RBSN: variants seen among roughly 807,000 people sequenced by gnomAD.
The protein encoded by RBSN is rabenosyn-5.
RBSN carries 34 observed loss-of-function variants against 60.5 expected under a neutral mutation model. That is an observed-to-expected ratio of 0.56 (90% CI 0.43 to 0.75). The LOEUF (loss-of-function observed/expected upper bound fraction) is 0.75. RBSN is among the 30% of genes least tolerant of loss of function. RBSN has a pLI of 0.00. For missense variants in RBSN, 845 were observed against 986.8 expected (o/e 0.86, Z 1.92); for synonymous variants, 322 against 366.9 (o/e 0.88, Z 1.40).
chr3:15,085,260 T>A (rs1559347664), intron 6 of RBSN, among the ~76,000 whole-genome samples: 2 of 152,118 alleles, frequency 1.3e-5, no homozygotes, highest in Non-Finnish European at 2.9e-5. Context: ...CCACTTCTAA[T>A]CTCTTTATTG....
chr3:15,075,401 T>C, intron 13 of RBSN: 1 of 681,314 alleles, frequency 1.5e-6, no homozygotes, highest in South Asian at 1.5e-5. Context: ...GCAGAAGCTC[T>C]GAAAGAAAAA....
chr3:15,072,386 TGTCTC>T lies in RBSN; in HGVS notation c.*1391_*1395del, dbSNP rs2042943357. 1 of 152,122 alleles carries T rather than the reference TGTCTC, an allele frequency of 6.6e-6. No individual in the cohort carries two copies. The highest frequency in any genetic ancestry group is 6.5e-5 in the Admixed American group (1 of 15,270). The allele number at this position is 152,122 out of a possible 1,614,324, so 9.4% of individuals were successfully genotyped here. On this transcript the variant is annotated 3_prime_UTR_variant, in exon 14 of 14. Transcript: ENST00000253699. The stretch of plus-strand genomic sequence containing the variant: ...CAGCCTGGGCAACAAAGTGAAACTC[TGTCTC>T]AAAAAAAATAAAAAATCTCATCAGT...
chr3:15,095,880 T>C (rs765521073), intron 4 of RBSN, 93 bp downstream of exon 4: 5 of 1,549,052 alleles, frequency 3.2e-6, no homozygotes, highest in Non-Finnish European at 4.4e-6. Context: ...ACTATTATCA[T>C]ATTCCTGTGG....
At chr3:15,088,631 C>T (rs1435824856) in intron 5 of RBSN, among the ~76,000 whole-genome samples, 3 of 152,070 alleles carry the variant, frequency 2.0e-5, no homozygotes, top group African/African-American at 2.4e-5. Context: ...TCAGCTGCCT[C>T]GACCTCCCAA....
chr3:15,095,985 C>G lies in RBSN; in HGVS notation c.136G>C (p.Gly46Arg). ...EHSGEDRDVK[G>R]QIKSLVQKAK... ...CCTCGCCTCTTACTTTTAATTTGCC[C>G]TTTGACATCACGGTCTTCCCCTGAG... The change falls in exon 4 of 14, where the codon GGG becomes CGG. Residue 46 changes from glycine (G) to arginine (R), a missense_variant. Transcript: ENST00000253699. The G allele has an allele frequency of 6.2e-7, 1 of 1,614,186 alleles. No individual in the cohort carries two copies. The highest frequency in any genetic ancestry group is 8.5e-7 in the Non-Finnish European group (1 of 1,180,032).
At position 15,097,090 on chromosome 3, in the gene RBSN, C is replaced by T. The variant is rs2043680096; in HGVS notation, c.-344-380G>A. Among the ~76,000 whole-genome samples the T allele has an allele frequency of 2.0e-5, 3 of 152,076 alleles. No individual in the cohort carries two copies. In the South Asian group the frequency reaches 6.2e-4, roughly 31 times the overall value. On this transcript the variant is annotated intron_variant, in intron 2 of 13. Coordinates refer to ENST00000253699, the MANE Select transcript of RBSN (RefSeq NM_022340.4). Reference sequence around the variant, plus strand: ...TCCCAGGCAGGTCTCTAACTCCTGGCCTCAGGCAATCCTCCTGCCTGAGCC... The same window carrying T: ...TCCCAGGCAGGTCTCTAACTCCTGGTCTCAGGCAATCCTCCTGCCTGAGCC...
At chr3:15,078,823 T>TATATACACAC (rs1553591628) in intron 10 of RBSN, among the ~76,000 whole-genome samples, 1 of 109,242 alleles carries the variant, frequency 9.2e-6, no homozygotes, top group African/African-American at 3.3e-5. Context: ...TATATATATA[T>TATATACACAC]ACATGGTTTT....
At chr3:15,095,184 GT>G (rs1055120221) in intron 4 of RBSN, among the ~76,000 whole-genome samples, 15 of 146,624 alleles carry the variant, frequency 1.0e-4, no homozygotes, top group East Asian at 2.0e-4. Flanking sequence ...CCGGCTAGTT[GT>G]TTTTTTTTTT....
Position 15,073,630 on chromosome 3 carries a change from T to C in RBSN, c.*152A>G. The C allele has an allele frequency of 1.4e-6, 1 of 692,724 alleles. No individual in the cohort carries two copies. The highest frequency in any genetic ancestry group is 2.3e-6 in the Non-Finnish European group (1 of 428,276). The allele number at this position is 692,724 out of a possible 1,614,324, so 42.9% of individuals were successfully genotyped here. A position where few individuals can be genotyped will look rare whatever the true frequency, so the allele number is the denominator to read the frequency against. On this transcript the variant is annotated 3_prime_UTR_variant, in exon 14 of 14. Transcript: ENST00000253699. ...CAACTGTAGTGGAAATACCTCAAAGTGCGCAACACAAAACAGCAGATTCCT... is the reference window on the plus strand; with the variant it reads ...CAACTGTAGTGGAAATACCTCAAAGCGCGCAACACAAAACAGCAGATTCCT...
intron 5 of RBSN, chr3:15,086,213 T>G: frequency 2.4e-6 from 1 of 421,818 alleles, no homozygotes; most frequent in Non-Finnish European, 4.3e-6. Context: ...CAGTGAGCTA[T>G]GATCCCACCA....
intron 5 of RBSN, among the ~76,000 whole-genome samples, chr3:15,089,001 T>C (rs2043421846): frequency 6.6e-6 from 1 of 151,980 alleles, no homozygotes; most frequent in Non-Finnish European, 1.5e-5. Context: ...TCCTCATCCA[T>C]AAATGGGAAA....
intron 9 of RBSN, chr3:15,081,424 G>A (rs994709562): frequency 2.6e-5 from 4 of 152,426 alleles, no homozygotes; most frequent in African/African-American, 9.6e-5. Context: ...GGCATTGCCA[G>A]GGCTTACTTC....
rs370068563 is a variant in RBSN at position 15,095,185 on chromosome 3, T to G, written c.148+788A>C. ...GTGCACCATCACGCCCGGCTAGTTG[T>G]TTTTTTTTTTAATTTTTTTTGTGAG... On this transcript the variant is annotated intron_variant, in intron 4 of 13. Transcript: ENST00000253699. Among the ~76,000 whole-genome samples, 43 of 146,588 alleles carry G rather than the reference T, an allele frequency of 2.9e-4. No individual in the cohort carries two copies. In the East Asian group the frequency reaches 5.9e-3, roughly 20 times the overall value.
Position 15,082,232 on chromosome 3 carries a change from G to A in RBSN, c.840+135C>T, listed in dbSNP as rs568594550. The A allele has an allele frequency of 2.7e-4, 317 of 1,192,510 alleles. No homozygotes were observed. The African/African-American group carries it at 4.4e-3, about 16-fold the overall frequency. 73.9% of individuals were successfully genotyped at this position (1,192,510 alleles called of 1,614,324 possible). A position where few individuals can be genotyped will look rare whatever the true frequency, so the allele number is the denominator to read the frequency against. ...GGCCCTAGCTGGGAAATCATAACAT[G>A]GGCCTTTAACAGGAACTACAAATAA... On this transcript the variant is annotated intron_variant, in intron 9 of 13. Coordinates refer to ENST00000253699, the MANE Select transcript of RBSN (RefSeq NM_022340.4). This position sits in a 1 kb window ranked among gnomAD's most constrained non-coding sequence, Gnocchi z 4.2.
At position 15,077,279 on chromosome 3, in the gene RBSN, G is replaced by A. The variant is rs2043078662; in HGVS notation, c.999-115C>T. 2.4e-6 allele frequency: 2 copies of A among 846,844 alleles called. No individual in the cohort carries two copies. Among genetic ancestry groups the A allele is most frequent in the Admixed American group, 2.0e-5 (1 of 49,196 alleles). 52.5% of individuals were successfully genotyped at this position (846,844 alleles called of 1,614,324 possible). Reference sequence around the variant, plus strand: ...CATGCCAGGAAGGTGTGTAAAGATGGACAAGTGACTCCATTGAAGTTTCTT... The same window carrying A: ...CATGCCAGGAAGGTGTGTAAAGATGAACAAGTGACTCCATTGAAGTTTCTT... On this transcript the variant is annotated intron_variant, in intron 11 of 13. Coordinates refer to ENST00000253699, the MANE Select transcript of RBSN (RefSeq NM_022340.4). The surrounding 1 kb of genome is among the most constrained non-coding windows in gnomAD (Gnocchi z 4.4).
intron 10 of RBSN, among the ~76,000 whole-genome samples, chr3:15,080,047 A>G (rs1243485896): frequency 6.6e-6 from 1 of 152,176 alleles, no homozygotes; most frequent in Non-Finnish European, 1.5e-5. Context: ...GATCAAGACC[A>G]TCCTGGCCAA....
chr3:15,096,848 A>T (rs2043673087), intron 2 of RBSN, 138 bp from the exon 3 acceptor site: 1 of 152,216 alleles, frequency 6.6e-6, no homozygotes, highest in African/African-American at 2.4e-5. Context: ...TTATATTTGT[A>T]GAGCACTTAT....
rs2042972644 is a variant in RBSN at position 15,073,716 on chromosome 3, C to A, written c.*66G>T. 2 of 1,505,750 alleles carry A rather than the reference C, an allele frequency of 1.3e-6. No homozygotes were observed. The highest frequency in any genetic ancestry group is 1.8e-6 in the Non-Finnish European group (2 of 1,126,776). The allele number at this position is 1,505,750 out of a possible 1,614,324, so 93.3% of individuals were successfully genotyped here. A position where few individuals can be genotyped will look rare whatever the true frequency, so the allele number is the denominator to read the frequency against. On this transcript the variant is annotated 3_prime_UTR_variant, in exon 14 of 14. Coordinates refer to ENST00000253699, the MANE Select transcript of RBSN (RefSeq NM_022340.4). ...CCACCTTCCCCATCCATCCTGCCTGCCCTCTGTCCTGCTCCACTGGCTCCT... is the reference window on the plus strand; with the variant it reads ...CCACCTTCCCCATCCATCCTGCCTGACCTCTGTCCTGCTCCACTGGCTCCT...
Position 15,077,270 on chromosome 3 carries a change from G to T in RBSN, c.999-106C>A. 1 of 939,142 alleles carries T rather than the reference G, an allele frequency of 1.1e-6. No individual in the cohort carries two copies. The highest frequency in any genetic ancestry group is 1.7e-6 in the Non-Finnish European group (1 of 587,578). The allele number at this position is 939,142 out of a possible 1,614,324, so 58.2% of individuals were successfully genotyped here. A position where few individuals can be genotyped will look rare whatever the true frequency, so the allele number is the denominator to read the frequency against. On this transcript the variant is annotated intron_variant, in intron 11 of 13. Coordinates refer to ENST00000253699, the MANE Select transcript of RBSN (RefSeq NM_022340.4). This position sits in a 1 kb window ranked among gnomAD's most constrained non-coding sequence, Gnocchi z 4.4. ...CCAGGCTTTCATGCCAGGAAGGTGT[G>T]TAAAGATGGACAAGTGACTCCATTG...
Sources: gnomAD v4.1 joint callset for allele counts (sites outside exome capture counted in the v4.1 genomes callset) on GRCh38, gnomAD v4.1.1 for gene constraint, Gnocchi (gnomAD v3.1) non-coding constraint, MANE v1.5 for transcripts, NCBI Gene and HGNC (gene_info 2026-07-23, HGNC 2026-07-21) for gene names.